PACRG: variants seen among roughly 807,000 people sequenced by gnomAD.
The protein encoded by PACRG is parkin coregulated gene protein.
Under a neutral mutation model 29.7 loss-of-function variants are expected in PACRG, and 29 were observed. That is an observed-to-expected ratio of 0.98 (90% CI 0.73 to 1.33). The LOEUF is 1.33. Ranked by LOEUF, PACRG falls within the 40% of genes most tolerant of loss-of-function variation. PACRG has a pLI of 0.00. For synonymous variants in PACRG, 116 were observed against 118.7 expected, an observed-to-expected ratio of 0.98 and a Z score of 0.15; for missense variants, 279 against 316.2, an observed-to-expected ratio of 0.88 and a Z score of 0.89.
intron 2 of PACRG, among the ~76,000 whole-genome samples, chr6:162,882,215 C>G: frequency 6.8e-6 from 1 of 146,230 alleles, no homozygotes; most frequent in African/African-American, 2.5e-5. Flanking sequence ...TCCACCAAGA[C>G]CAGAGACAGT....
intron 4 of PACRG, among the ~76,000 whole-genome samples, chr6:163,256,781 C>T (rs1001221726): frequency 1.3e-5 from 2 of 152,154 alleles, no homozygotes; most frequent in African/African-American, 4.8e-5. Context: ...AGGTCCATGT[C>T]CTGGGGATGC....
intron 2 of PACRG, among the ~76,000 whole-genome samples, chr6:162,948,719 G>T (rs1799429403): frequency 6.6e-6 from 1 of 151,914 alleles, no homozygotes; most frequent in African/African-American, 2.4e-5. Flanking sequence ...ATTTTAAAAT[G>T]GGCAAAAAAT....
chr6:163,197,601 G>A (rs938342277), intron 4 of PACRG, among the ~76,000 whole-genome samples: 64 of 134,802 alleles, frequency 4.7e-4, no homozygotes, highest in African/African-American at 1.6e-3. Flanking sequence ...CCGCCACCAC[G>A]CCCGGCTAAT....
chr6:163,254,239 A>G (rs1017626626), intron 4 of PACRG, among the ~76,000 whole-genome samples: 2 of 152,190 alleles, frequency 1.3e-5, no homozygotes, highest in East Asian at 1.9e-4. Context: ...TCTGGAAGAA[A>G]TTTTCTGTGG....
chr6:163,013,615 C>T (rs777420745), intron 2 of PACRG, among the ~76,000 whole-genome samples: 7 of 152,052 alleles, frequency 4.6e-5, no homozygotes, highest in Non-Finnish European at 1.0e-4. Context: ...AGGAGCTGTG[C>T]ACATCTGAAT....
At chr6:162,891,025 T>C (rs1794715656) in intron 2 of PACRG, among the ~76,000 whole-genome samples, 1 of 152,194 alleles carries the variant, frequency 6.6e-6, no homozygotes, top group Admixed American at 6.5e-5. Context: ...GCTGAGTGCC[T>C]GCTCCAGGAA....
At chr6:162,781,734 C>A in intron 1 of PACRG, among the ~76,000 whole-genome samples, 1 of 151,046 alleles carries the variant, frequency 6.6e-6, no homozygotes, top group African/African-American at 2.4e-5. Flanking sequence ...TACTCTAAAC[C>A]CTAAGTGAAC....
intron 4 of PACRG, among the ~76,000 whole-genome samples, chr6:163,209,733 A>G (rs1318409581): frequency 2.6e-5 from 4 of 152,272 alleles, no homozygotes; most frequent in Admixed American, 1.3e-4. Flanking sequence ...TTTGATGTAA[A>G]GCATGTGACA....
rs571303231 is a variant in PACRG, at chr6:162,736,983, G to A, written c.156+8592G>A. 5.9e-5 allele frequency among the ~76,000 whole-genome samples: 9 copies of A among 152,220 alleles called. No individual in the cohort carries two copies. The South Asian group carries it at 1.7e-3, about 28-fold the overall frequency. ...TATTTACTATTAGTGTATACATAGGGTTGAAATTAGTATCTTTCTATAAAA... is the reference window on the plus strand; with the variant it reads ...TATTTACTATTAGTGTATACATAGGATTGAAATTAGTATCTTTCTATAAAA... On this transcript the variant is annotated intron_variant, in intron 1 of 4. Coordinates refer to ENST00000366888, the MANE Select transcript of PACRG (RefSeq NM_001080379.2).
chr6:163,112,343 G>C (rs1025565256), intron 4 of PACRG, among the ~76,000 whole-genome samples: 1 of 152,202 alleles, frequency 6.6e-6, no homozygotes, highest in Non-Finnish European at 1.5e-5. Context: ...AGAGTAGCTT[G>C]CACACAGCTT....
intron 4 of PACRG, among the ~76,000 whole-genome samples, chr6:163,252,861 T>G (rs1165927443): frequency 6.6e-6 from 1 of 152,202 alleles, no homozygotes; most frequent in Non-Finnish European, 1.5e-5. Flanking sequence ...AAGGAGATGG[T>G]GAGTGAGCTT....
chr6:162,930,664 G>A (rs1034441024), intron 2 of PACRG, among the ~76,000 whole-genome samples: 2 of 151,852 alleles, frequency 1.3e-5, no homozygotes. Context: ...TCCTTTTCTT[G>A]TTCCATATCG....
At chr6:162,813,507 G>T (rs1168266747) in intron 1 of PACRG, among the ~76,000 whole-genome samples, 1 of 151,880 alleles carries the variant, frequency 6.6e-6, no homozygotes, top group Non-Finnish European at 1.5e-5. Context: ...TTCAGTTTTG[G>T]AGATGGAAGT....
chr6:162,868,715 C>T (rs1792535360), intron 2 of PACRG, among the ~76,000 whole-genome samples: 1 of 152,192 alleles, frequency 6.6e-6, no homozygotes, highest in Non-Finnish European at 1.5e-5. Context: ...GCAACTCCTT[C>T]GCCATGCACA....
At chr6:163,221,637 G>T (rs965398059) in intron 4 of PACRG, among the ~76,000 whole-genome samples, 8 of 152,208 alleles carry the variant, frequency 5.3e-5, no homozygotes, top group Admixed American at 4.6e-4. Context: ...AAATAAACAA[G>T]CAAGAAAACA....
chr6:163,108,304 C>G (rs1340481188), intron 4 of PACRG, among the ~76,000 whole-genome samples: 1 of 151,524 alleles, frequency 6.6e-6, no homozygotes, highest in Non-Finnish European at 1.5e-5. Flanking sequence ...CCTTCGCCTT[C>G]TACCATTGTA....
At chr6:163,079,164 G>A (rs1812836648) in intron 3 of PACRG, among the ~76,000 whole-genome samples, 1 of 152,102 alleles carries the variant, frequency 6.6e-6, no homozygotes, top group African/African-American at 2.4e-5. Context: ...GCCCGATCAA[G>A]AATAAATTAT....
intron 2 of PACRG, among the ~76,000 whole-genome samples, chr6:162,867,605 T>C (rs555143169): frequency 1.3e-5 from 2 of 152,326 alleles, no homozygotes; most frequent in Admixed American, 6.5e-5. Context: ...AAAATGTGCA[T>C]TGAGATATTT....
intron 2 of PACRG, chr6:162,997,613 G>T: frequency 3.5e-6 from 1 of 283,966 alleles, no homozygotes; most frequent in South Asian, 3.0e-5. Context: ...TGAAAGCAAC[G>T]CAGTGGTAAA....
Sources: gnomAD v4.1 joint callset for allele counts (sites outside exome capture counted in the v4.1 genomes callset) on GRCh38, gnomAD v4.1.1 for gene constraint, MANE v1.5 for transcripts, NCBI Gene and HGNC (gene_info 2026-07-23, HGNC 2026-07-21) for gene names.